LRBA: variants seen among roughly 807,000 people sequenced by gnomAD.
LRBA encodes the protein lipopolysaccharide-responsive and beige-like anchor protein.
LRBA carries 176 observed loss-of-function variants against 330.0 expected under a neutral mutation model. That is an observed-to-expected ratio of 0.53 (90% CI 0.47 to 0.60). The LOEUF (loss-of-function observed/expected upper bound fraction) is 0.60. Ranked by LOEUF, LRBA falls within the 20% of genes least tolerant of loss-of-function variation. LRBA has a pLI of 0.00. For synonymous variants in LRBA, 1,230 were observed against 1,193.0 expected (o/e 1.03, Z -0.64); for missense variants, 3,259 against 3,444.8 (o/e 0.95, Z 1.35).
chr4:150,495,942 T>C lies in LRBA; in HGVS notation c.6331-4907A>G, dbSNP rs546632144. On this transcript the variant is annotated intron_variant, in intron 40 of 56. Transcript: ENST00000651943. The stretch of plus-strand genomic sequence containing the variant: ...TGTTTTATTATTGTTAGTATTATTA[T>C]TAGTAAATTAAGCTTTCAATTGTTT... Among the ~76,000 whole-genome samples, 5 of 152,312 alleles carry C rather than the reference T, an allele frequency of 3.3e-5. No homozygotes were observed. In the South Asian group the frequency reaches 1.0e-3, roughly 32 times the overall value.
intron 36 of LRBA, 79 bp downstream of exon 36, chr4:150,735,179 G>T: frequency 1.9e-6 from 2 of 1,045,382 alleles, no homozygotes; most frequent in Non-Finnish European, 3.0e-6. Flanking sequence ...CTTTGGACCT[G>T]CCATTTTACC....
In LRBA at chr4:150,517,710, GTA is replaced by G. The variant is rs1762503685; in HGVS notation, c.6331-26677_6331-26676del. Among the ~76,000 whole-genome samples the G allele has an allele frequency of 2.0e-5, 3 of 152,244 alleles. No individual in the cohort carries two copies. The South Asian group carries it at 6.2e-4, about 32-fold the overall frequency. On this transcript the variant is annotated intron_variant, in intron 40 of 56. Transcript: ENST00000651943. Reference sequence around the variant, plus strand: ...ACATATAAAATCTGAATGATAGCAGGTATGACATTATTTCTAAATTTTTTTCT... The same window carrying G: ...ACATATAAAATCTGAATGATAGCAGGTGACATTATTTCTAAATTTTTTTCT...
rs1749492004 is a variant in LRBA, at chr4:150,844,102, T to C, written c.4567A>G (p.Ile1523Val). 1.3e-6 allele frequency: 2 copies of C among 1,585,236 alleles called. No homozygotes were observed. The highest frequency in any genetic ancestry group is 1.7e-6 in the Non-Finnish European group (2 of 1,155,332). ...NRLRAVVFRD[I>V]EDSKQAQFLA... ...GTGAAAGACATATTGTAACTTACTA[T>C]GTCTCTGAAAACAACTGCCCTAAGC... The change falls in exon 28 of 57, where the codon ATA becomes GTA. Residue 1523 changes from isoleucine (I) to valine (V), a missense_variant and splice_region_variant. Ile to Val is a conservative substitution (Grantham distance 29). Coordinates refer to ENST00000651943, the MANE Select transcript of LRBA (RefSeq NM_001364905.1).
intron 37 of LRBA, among the ~76,000 whole-genome samples, chr4:150,680,002 A>G (rs1193240578): frequency 6.6e-6 from 1 of 152,154 alleles, no homozygotes; most frequent in Admixed American, 6.5e-5. Flanking sequence ...TCCTTCTTAC[A>G]TTCAGCCACT....
intron 37 of LRBA, among the ~76,000 whole-genome samples, chr4:150,660,878 G>A (rs1413464250): frequency 3.4e-5 from 4 of 117,280 alleles, no homozygotes; most frequent in South Asian, 6.9e-4. Flanking sequence ...CAGCATGCTC[G>A]TTAAGAGTCA....
chr4:150,506,886 G>T (rs1295278326), intron 40 of LRBA, among the ~76,000 whole-genome samples: 1 of 152,130 alleles, frequency 6.6e-6, no homozygotes, highest in African/African-American at 2.4e-5. Context: ...AAAGTCTCAG[G>T]ATATAAAATC....
At chr4:150,839,080 G>T (rs1305293713) in intron 28 of LRBA, among the ~76,000 whole-genome samples, 3 of 152,090 alleles carry the variant, frequency 2.0e-5, no homozygotes, top group Non-Finnish European at 4.4e-5. Flanking sequence ...GGGCGAAGGA[G>T]ATGAACAGAC....
At position 150,850,023 on chromosome 4, in the gene LRBA, G is replaced by C. The variant is rs532269248; in HGVS notation, c.4005-448C>G. On this transcript the variant is annotated intron_variant, in intron 24 of 56. Coordinates refer to ENST00000651943, the MANE Select transcript of LRBA (RefSeq NM_001364905.1). ...CTTTAAAATCATAAATCATACAATGGGGGATAACTTGAAGTACACAGATTT... is the reference window on the plus strand; with the variant it reads ...CTTTAAAATCATAAATCATACAATGCGGGATAACTTGAAGTACACAGATTT... 2.6e-5 allele frequency among the ~76,000 whole-genome samples: 4 copies of C among 151,724 alleles called. No individual in the cohort carries two copies. The South Asian group carries it at 8.4e-4, about 32-fold the overall frequency.
intron 28 of LRBA, among the ~76,000 whole-genome samples, chr4:150,835,076 T>G (rs1026737223): frequency 3.9e-5 from 6 of 152,128 alleles, no homozygotes; most frequent in African/African-American, 7.2e-5. Flanking sequence ...TTTCCCCATT[T>G]CTTGTTTTTG....
chr4:150,554,507 T>C (rs1172681940), intron 40 of LRBA, among the ~76,000 whole-genome samples: 1 of 152,128 alleles, frequency 6.6e-6, no homozygotes, highest in Admixed American at 6.5e-5. Flanking sequence ...GAAATAAAAT[T>C]ATAGCACAGT....
intron 2 of LRBA, among the ~76,000 whole-genome samples, chr4:150,967,043 A>C (rs1046221327): frequency 1.3e-5 from 2 of 152,214 alleles, no homozygotes; most frequent in African/African-American, 4.8e-5. Context: ...AACTTAAAAT[A>C]TCAAGTAAAC....
intron 2 of LRBA, chr4:150,970,592 T>C (rs973731773): frequency 2.7e-5 from 4 of 145,670 alleles, no homozygotes; most frequent in African/African-American, 1.0e-4. Flanking sequence ...CACACAAAAG[T>C]ATACTGTAAA....
chr4:150,715,046 A>G (rs1292646883), intron 36 of LRBA, among the ~76,000 whole-genome samples: 1 of 152,224 alleles, frequency 6.6e-6, no homozygotes, highest in East Asian at 1.9e-4. Context: ...TTTCAGAACA[A>G]TAAGTTACTC....
intron 51 of LRBA, 30 bp from the exon 52 acceptor site, chr4:150,310,414 T>C (rs200082769): frequency 3.5e-5 from 54 of 1,561,966 alleles, no homozygotes; most frequent in Admixed American, 5.0e-5. Context: ...AAACAACTAT[T>C]AAATCCACAT....
chr4:150,723,249 C>T (rs541335426), intron 36 of LRBA, among the ~76,000 whole-genome samples: 3 of 152,250 alleles, frequency 2.0e-5, no homozygotes, highest in South Asian at 4.1e-4. Flanking sequence ...TTGCATTAGC[C>T]GTGCCCTAAC....
At chr4:150,887,795 A>G (rs1287335526) in intron 17 of LRBA, among the ~76,000 whole-genome samples, 1 of 151,014 alleles carries the variant, frequency 6.6e-6, no homozygotes. Flanking sequence ...AAGAAAGAAA[A>G]AAAAAAGAAC....
At chr4:150,620,523 C>T (rs1776190995) in intron 37 of LRBA, among the ~76,000 whole-genome samples, 1 of 152,128 alleles carries the variant, frequency 6.6e-6, no homozygotes, top group South Asian at 2.1e-4. Context: ...TATTGCAGCA[C>T]AATTCACAGC....
chr4:150,380,125 G>C (rs923845544), intron 47 of LRBA, among the ~76,000 whole-genome samples: 4 of 151,048 alleles, frequency 2.6e-5, no homozygotes, highest in Non-Finnish European at 4.4e-5. Context: ...GTTGCAGTGA[G>C]CCGAGATCAC....
At chr4:150,476,864 C>T (rs1756770091) in intron 42 of LRBA, among the ~76,000 whole-genome samples, 1 of 152,120 alleles carries the variant, frequency 6.6e-6, no homozygotes, top group Non-Finnish European at 1.5e-5. Flanking sequence ...AAAGAATATT[C>T]CAGATCAAGA....
Sources: allele counts gnomAD v4.1 joint callset (sites outside exome capture counted in the v4.1 genomes callset), GRCh38; gene constraint gnomAD v4.1.1; transcripts MANE v1.5; gene names NCBI Gene and HGNC (gene_info 2026-07-23, HGNC 2026-07-21).